Variants in STK32B observed in about 807,000 individuals in gnomAD.
STK32B encodes serine/threonine-protein kinase 32B.
A neutral mutation model predicts 52.6 loss-of-function variants in STK32B; 43 were observed. The observed-to-expected ratio is 0.82, with a 90% CI of 0.64 to 1.05. The LOEUF is 1.05. Ranked by LOEUF, STK32B falls within the 50% of genes least tolerant of loss-of-function variation. The pLI, the probability that STK32B is intolerant of heterozygous loss-of-function variation, is 0.00. For missense variants in STK32B, 621 were observed against 534.6 expected (o/e 1.16, Z -1.59); for synonymous variants, 238 against 204.3 (o/e 1.17, Z -1.41).
At chr4:5,359,050 G>A (rs1251581375) in intron 4 of STK32B, among the ~76,000 whole-genome samples, 1 of 152,120 alleles carries the variant, frequency 6.6e-6, no homozygotes, top group African/African-American at 2.4e-5. Context: ...GTTCTACGTG[G>A]GCTCACTTCA....
At chr4:5,366,753 G>T (rs1577401706) in intron 4 of STK32B, among the ~76,000 whole-genome samples, 1 of 152,198 alleles carries the variant, frequency 6.6e-6, no homozygotes, top group Admixed American at 6.5e-5. Flanking sequence ...CTTGATGCCA[G>T]ATTCCTTGAC....
At chr4:5,290,003 C>T (rs1728792417) in intron 3 of STK32B, among the ~76,000 whole-genome samples, 1 of 152,042 alleles carries the variant, frequency 6.6e-6, no homozygotes, top group African/African-American at 2.4e-5. Flanking sequence ...TCAATCTTCA[C>T]CCTCCTCCCA....
At chr4:5,464,392 T>G (rs1057137954) in intron 9 of STK32B, among the ~76,000 whole-genome samples, 1 of 152,214 alleles carries the variant, frequency 6.6e-6, no homozygotes, top group Non-Finnish European at 1.5e-5. Flanking sequence ...CAGCCTCTCC[T>G]GCAACCCTCT....
chr4:5,446,641 C>G (rs1180532335), intron 6 of STK32B, 32 bp from the exon 7 acceptor site: 6 of 1,598,434 alleles, frequency 3.8e-6, no homozygotes, highest in Admixed American at 3.3e-5. Flanking sequence ...CTGGGATACA[C>G]AATGATGTTC....
At chr4:5,073,863 G>T (rs1049773324) in intron 1 of STK32B, among the ~76,000 whole-genome samples, 1 of 151,710 alleles carries the variant, frequency 6.6e-6, no homozygotes, top group African/African-American at 2.4e-5. Flanking sequence ...TTGTTCTTCT[G>T]TAGGTAGTGT....
intron 6 of STK32B, among the ~76,000 whole-genome samples, chr4:5,428,773 TTC>T (rs1713312511): frequency 6.6e-6 from 1 of 152,364 alleles, no homozygotes; most frequent in African/African-American, 2.4e-5. Context: ...GATTGTAAAT[TTC>T]TCTGTTTTTC....
At chr4:5,019,717 C>G in the STK32B span, among the ~76,000 whole-genome samples, 14 of 152,080 alleles carry the variant, frequency 9.2e-5, no homozygotes, top group African/African-American at 3.4e-4. Context: ...AAATTTCTTT[C>G]TGCACAGGGA....
chr4:5,041,591 T>A, the STK32B span, among the ~76,000 whole-genome samples: 1 of 151,718 alleles, frequency 6.6e-6, no homozygotes, highest in Non-Finnish European at 1.5e-5. Context: ...GCAGACACTC[T>A]ACATTAGTAG....
chr4:5,424,984 A>G (rs1239133705), intron 6 of STK32B, among the ~76,000 whole-genome samples: 2 of 152,234 alleles, frequency 1.3e-5, no homozygotes, highest in African/African-American at 2.4e-5. Flanking sequence ...AGTGGAAGCC[A>G]CTTGCGGTAT....
chr4:5,042,145 T>C, the STK32B span, among the ~76,000 whole-genome samples: 2 of 152,210 alleles, frequency 1.3e-5, no homozygotes, highest in African/African-American at 4.8e-5. Flanking sequence ...CATGTACATG[T>C]AAGTCAGAAA....
rs1170824516 is a variant in STK32B at position 5,308,605 on chromosome 4, G to C, written c.261-22615G>C. Among the ~76,000 whole-genome samples, 4 of 152,232 alleles carry C rather than the reference G, an allele frequency of 2.6e-5. No homozygotes were observed. In the South Asian group the frequency reaches 6.2e-4, roughly 24 times the overall value. On this transcript the variant is annotated intron_variant, in intron 3 of 11. Coordinates refer to ENST00000282908, the MANE Select transcript of STK32B (RefSeq NM_018401.3). ...TTTAGTCACTCATTCATATGTGCCA[G>C]GTGCCTTCTTCTAATTAGGTAACCC... is the stretch of plus-strand genomic sequence containing the variant.
intron 6 of STK32B, among the ~76,000 whole-genome samples, chr4:5,441,910 A>T (rs1714810944): frequency 1.5e-5 from 2 of 133,226 alleles, no homozygotes; most frequent in Non-Finnish European, 3.2e-5. Context: ...GTAGTTGAGC[A>T]GTTTTGAGTG....
chr4:5,331,037 T>C (rs561761674), intron 3 of STK32B, among the ~76,000 whole-genome samples, 183 bp from the exon 4 acceptor site: 1 of 152,222 alleles, frequency 6.6e-6, no homozygotes, highest in Admixed American at 6.5e-5. Context: ...CCAACAAATG[T>C]GGAGGCAGCC....
intron 3 of STK32B, among the ~76,000 whole-genome samples, chr4:5,188,193 A>G (rs1167966122): frequency 6.6e-6 from 1 of 152,210 alleles, no homozygotes; most frequent in Non-Finnish European, 1.5e-5. Flanking sequence ...CATCACGTGC[A>G]TGAAATTGCT....
chr4:5,204,855 C>T (rs1722445097), intron 3 of STK32B, among the ~76,000 whole-genome samples: 1 of 152,288 alleles, frequency 6.6e-6, no homozygotes, highest in Admixed American at 6.5e-5. Flanking sequence ...TCTCAGGGCT[C>T]CTGCCTCTTT....
intron 3 of STK32B, among the ~76,000 whole-genome samples, chr4:5,210,339 C>G (rs570405709): frequency 6.6e-6 from 1 of 152,288 alleles, no homozygotes; most frequent in East Asian, 1.9e-4. Context: ...TTCCCCATCT[C>G]CTCGGGCCAT....
chr4:5,177,797 A>G (rs569503255), intron 3 of STK32B, among the ~76,000 whole-genome samples: 7 of 152,220 alleles, frequency 4.6e-5, no homozygotes, highest in Non-Finnish European at 1.0e-4. Context: ...TTTAAGTTCC[A>G]AAATGATCTC....
At chr4:5,370,933 A>C (rs562369698) in intron 4 of STK32B, among the ~76,000 whole-genome samples, 2 of 151,766 alleles carry the variant, frequency 1.3e-5, no homozygotes, top group South Asian at 4.2e-4. Flanking sequence ...TGATCATGCC[A>C]CTGCACTCCA....
intron 2 of STK32B, among the ~76,000 whole-genome samples, chr4:5,150,617 C>G (rs1717278523): frequency 6.6e-6 from 1 of 151,512 alleles, no homozygotes; most frequent in Non-Finnish European, 1.5e-5. Context: ...TGTTCTATGT[C>G]TGTGATCTTT....
Sources: gnomAD v4.1 joint callset for allele counts (sites outside exome capture counted in the v4.1 genomes callset) on GRCh38, gnomAD v4.1.1 for gene constraint, MANE v1.5 for transcripts, NCBI Gene and HGNC (gene_info 2026-07-23, HGNC 2026-07-21) for gene names.